The following CTNND2 variants were observed in gnomAD, a reference collection of about 807,000 sequenced individuals.
The protein encoded by CTNND2 is catenin delta-2.
A neutral mutation model predicts 144.4 loss-of-function variants in CTNND2; 22 were observed. The ratio of observed to expected loss-of-function variants is 0.15; its 90% CI spans 0.11 to 0.22. CTNND2 has a LOEUF of 0.22. CTNND2 is among the 10% of genes least tolerant of loss of function. CTNND2 has a pLI of 1.00. For synonymous variants in CTNND2, 751 were observed against 695.6 expected (o/e 1.08, Z -1.25); for missense variants, 1,353 against 1,618.8 (o/e 0.84, Z 2.82).
intron 1 of CTNND2, among the ~76,000 whole-genome samples, chr5:11,762,388 T>TCTAGAG (rs1789316822): frequency 6.6e-6 from 1 of 152,154 alleles, no homozygotes; most frequent in African/African-American, 2.4e-5. Context: ...TACTGTAATG[T>TCTAGAG]CTAGAGCATG....
chr5:11,702,339 A>C (rs1278862670), intron 2 of CTNND2, among the ~76,000 whole-genome samples: 9 of 152,190 alleles, frequency 5.9e-5, no homozygotes, highest in Admixed American at 4.6e-4. Context: ...TGTGATGAAC[A>C]CTGTTTAATT....
chr5:11,369,884 C>A (rs943396422), intron 7 of CTNND2, among the ~76,000 whole-genome samples: 1 of 152,082 alleles, frequency 6.6e-6, no homozygotes, highest in African/African-American at 2.4e-5. Flanking sequence ...GGTTCTCAGG[C>A]GGAGGGAACC....
intron 1 of CTNND2, among the ~76,000 whole-genome samples, chr5:11,762,159 G>C (rs534821242): frequency 7.2e-5 from 11 of 152,128 alleles, no homozygotes; most frequent in African/African-American, 2.4e-4. Flanking sequence ...TACAAAAATG[G>C]CATCCATTCT....
At position 11,903,458 on chromosome 5, in the gene CTNND2, G is replaced by T; in HGVS notation, c.37+359C>A. 2 of 818,422 alleles carry T rather than the reference G, an allele frequency of 2.4e-6. No homozygotes were observed. The highest frequency in any genetic ancestry group is 3.0e-6 in the Non-Finnish European group (2 of 658,370). 50.7% of individuals were successfully genotyped at this position (818,422 alleles called of 1,614,324 possible). On this transcript the variant is annotated intron_variant, in intron 1 of 21. Transcript: ENST00000304623. The surrounding 1 kb of genome is among the most constrained non-coding windows in gnomAD (Gnocchi z 5.4). ...CCACCCCGTCTCCTCCCGTATATTA[G>T]GGACGTCATGAATGCACCGAGTATG... is the stretch of plus-strand genomic sequence containing the variant.
At chr5:11,180,847 T>C (rs1465782479) in intron 11 of CTNND2, among the ~76,000 whole-genome samples, 1 of 152,260 alleles carries the variant, frequency 6.6e-6, no homozygotes, top group African/African-American at 2.4e-5. Flanking sequence ...AGTTCCCATG[T>C]AGCAGGGATG....
chr5:11,176,575 T>C (rs545167261), intron 11 of CTNND2, among the ~76,000 whole-genome samples: 9 of 152,302 alleles, frequency 5.9e-5, no homozygotes, highest in East Asian at 3.9e-4. Context: ...GAAAACAAGA[T>C]GAATTCCTTC....
At chr5:11,515,137 A>G (rs1023791582) in intron 3 of CTNND2, among the ~76,000 whole-genome samples, 2 of 148,588 alleles carry the variant, frequency 1.3e-5, no homozygotes, top group Non-Finnish European at 3.0e-5. Context: ...CGCATTTCCT[A>G]ATGAATGGGA....
chr5:11,808,827 A>G (rs2126903496), intron 1 of CTNND2, among the ~76,000 whole-genome samples: 1 of 152,346 alleles, frequency 6.6e-6, no homozygotes, highest in African/African-American at 2.4e-5. Flanking sequence ...ATTAAAAATA[A>G]GTTTTATTGT....
intron 1 of CTNND2, among the ~76,000 whole-genome samples, chr5:11,824,955 G>A (rs1324971009): frequency 6.6e-6 from 1 of 151,548 alleles, no homozygotes; most frequent in African/African-American, 2.4e-5. Context: ...GTAGTGAACT[G>A]AGGATAATAC....
At chr5:11,807,348 CT>C (rs1290238693) in intron 1 of CTNND2, among the ~76,000 whole-genome samples, 1 of 152,142 alleles carries the variant, frequency 6.6e-6, no homozygotes, top group Non-Finnish European at 1.5e-5. Flanking sequence ...AAGGATTCAG[CT>C]TGCTTAAACC....
intron 15 of CTNND2, among the ~76,000 whole-genome samples, chr5:11,085,942 C>T (rs1241988587): frequency 1.3e-5 from 2 of 152,166 alleles, no homozygotes; most frequent in Non-Finnish European, 2.9e-5. Context: ...GTCTCCTGTA[C>T]CATCCCAGAA....
At chr5:11,685,963 G>T (rs1288308900) in intron 2 of CTNND2, among the ~76,000 whole-genome samples, 2 of 152,180 alleles carry the variant, frequency 1.3e-5, no homozygotes. Context: ...CCAGCACTTT[G>T]GGAGGCCAAG....
At chr5:11,567,680 T>C (rs1777229966) in intron 2 of CTNND2, among the ~76,000 whole-genome samples, 1 of 152,224 alleles carries the variant, frequency 6.6e-6, no homozygotes, top group South Asian at 2.1e-4. Flanking sequence ...TCTCTAAAAA[T>C]TTCATTTGGG....
At chr5:11,642,843 A>G (rs1214792007) in intron 2 of CTNND2, among the ~76,000 whole-genome samples, 1 of 152,248 alleles carries the variant, frequency 6.6e-6, no homozygotes, top group African/African-American at 2.4e-5. Context: ...AATGCTAAAT[A>G]ATTGCCGTGG....
chr5:11,897,711 G>A (rs1195636862), intron 1 of CTNND2, among the ~76,000 whole-genome samples: 1 of 152,038 alleles, frequency 6.6e-6, no homozygotes, highest in Non-Finnish European at 1.5e-5. Context: ...AATCAACCAG[G>A]GCATTAGACG....
At chr5:11,749,116 A>G (rs1788470945) in intron 1 of CTNND2, among the ~76,000 whole-genome samples, 1 of 152,018 alleles carries the variant, frequency 6.6e-6, no homozygotes, top group Non-Finnish European at 1.5e-5. Flanking sequence ...TATGAGTAAG[A>G]CATTTAGACA....
chr5:11,765,976 T>A lies in CTNND2; in HGVS notation c.38-33704A>T, dbSNP rs570722630. On this transcript the variant is annotated intron_variant, in intron 1 of 21. Coordinates refer to ENST00000304623, the MANE Select transcript of CTNND2 (RefSeq NM_001332.4). ...TAGAGATAGAAAGCAAAAGCTTGGGTTTTCTAAAATACATGCCATGAAACT... is the reference window on the plus strand; with the variant it reads ...TAGAGATAGAAAGCAAAAGCTTGGGATTTCTAAAATACATGCCATGAAACT... 2.6e-5 allele frequency among the ~76,000 whole-genome samples: 4 copies of A among 152,252 alleles called. No homozygotes were observed. In the South Asian group the frequency reaches 8.3e-4, roughly 32 times the overall value.
chr5:11,075,645 G>A (rs1238433985), intron 16 of CTNND2, among the ~76,000 whole-genome samples: 1 of 152,234 alleles, frequency 6.6e-6, no homozygotes, highest in Non-Finnish European at 1.5e-5. Context: ...GCCACCACCC[G>A]GGGCAGCCAG....
intron 9 of CTNND2, among the ~76,000 whole-genome samples, chr5:11,267,653 C>T (rs1442086021): frequency 1.3e-5 from 2 of 152,224 alleles, no homozygotes; most frequent in Admixed American, 1.3e-4. Context: ...GGACTGCACA[C>T]ACTTTGCAAA....
Sources: allele counts gnomAD v4.1 joint callset (sites outside exome capture counted in the v4.1 genomes callset), GRCh38; gene constraint gnomAD v4.1.1; non-coding constraint Gnocchi (gnomAD v3.1); transcripts MANE v1.5; gene names NCBI Gene and HGNC (gene_info 2026-07-23, HGNC 2026-07-21).